Variants in DCC observed in about 807,000 individuals in gnomAD.
DCC encodes the protein netrin receptor DCC.
A neutral mutation model predicts 172.5 loss-of-function variants in DCC; 58 were observed. The ratio of observed to expected loss-of-function variants is 0.34; its 90% CI spans 0.27 to 0.42. The LOEUF (loss-of-function observed/expected upper bound fraction) is 0.42, where lower values mean the gene tolerates loss of function less well. DCC is among the 10% of genes least tolerant of loss of function. The pLI, the probability that DCC is intolerant of heterozygous loss-of-function variation, is 1.00. For synonymous variants in DCC, 709 were observed against 644.5 expected, an observed-to-expected ratio of 1.10 and a Z score of -1.52; for missense variants, 1,740 against 1,791.0, an observed-to-expected ratio of 0.97 and a Z score of 0.51.
chr18:52,536,405 CAA>C (rs1373911092), intron 1 of DCC, among the ~76,000 whole-genome samples: 1 of 151,780 alleles, frequency 6.6e-6, no homozygotes, highest in Non-Finnish European at 1.5e-5. Flanking sequence ...TAATTTCTTC[CAA>C]AAAAGGACTT....
At chr18:52,736,818 G>A (rs2036737536) in intron 1 of DCC, among the ~76,000 whole-genome samples, 1 of 152,046 alleles carries the variant, frequency 6.6e-6, no homozygotes, top group African/African-American at 2.4e-5. Flanking sequence ...CACAAGTGGG[G>A]CAGAACAAGA....
intron 1 of DCC, among the ~76,000 whole-genome samples, chr18:52,469,167 C>T (rs1466199634): frequency 2.0e-5 from 3 of 152,150 alleles, no homozygotes; most frequent in Non-Finnish European, 4.4e-5. Flanking sequence ...AAGCAGTTCT[C>T]CTGCCTCAGC....
intron 9 of DCC, among the ~76,000 whole-genome samples, chr18:53,194,449 T>C (rs896479560): frequency 6.6e-6 from 1 of 151,860 alleles, no homozygotes; most frequent in Admixed American, 6.6e-5. Context: ...TGGTGGTTTT[T>C]TGTTGTTGTT....
rs1209137253 is a variant in DCC at position 52,906,327 on chromosome 18, A to G, written c.696A>G (p.Ser232=). The G allele has an allele frequency of 6.2e-7, 1 of 1,613,848 alleles. No individual in the cohort carries two copies. Among genetic ancestry groups the G allele is most frequent in the Admixed American group, 1.7e-5 (1 of 60,020 alleles). Reference sequence around the variant, plus strand: ...ATGAAGCAGAAGTCAGAATTTTATCAGGTATTGCAATGCTCTTTGTTGCCT... The same window carrying G: ...ATGAAGCAGAAGTCAGAATTTTATCGGGTATTGCAATGCTCTTTGTTGCCT... ...TGNEAEVRIL[S]DPGLHRQLYF... is the part of the protein sequence containing the mutation. The change falls in exon 3 of 29, where the codon TCA becomes TCG. Residue 232 remains serine, a splice_region_variant and synonymous_variant. Transcript: ENST00000442544.
chr18:53,099,722 C>T (rs2043136423), intron 7 of DCC, among the ~76,000 whole-genome samples: 1 of 151,658 alleles, frequency 6.6e-6, no homozygotes, highest in African/African-American at 2.4e-5. Flanking sequence ...AGGTTTGAAC[C>T]CCAAAAAAGG....
At chr18:53,256,111 T>C (rs991881482) in intron 12 of DCC, among the ~76,000 whole-genome samples, 44 of 152,192 alleles carry the variant, frequency 2.9e-4, no homozygotes, top group Non-Finnish European at 3.1e-4. Flanking sequence ...TTCTGGATAT[T>C]AGCCCTTTGT....
intron 1 of DCC, among the ~76,000 whole-genome samples, chr18:52,667,355 T>C (rs372528199): frequency 1.3e-5 from 2 of 152,360 alleles, no homozygotes; most frequent in South Asian, 2.1e-4. Context: ...AGTATTATTA[T>C]TGATATATGT....
intron 1 of DCC, among the ~76,000 whole-genome samples, chr18:52,639,659 G>C (rs2034851011): frequency 6.6e-6 from 1 of 151,766 alleles, no homozygotes; most frequent in Non-Finnish European, 1.5e-5. Flanking sequence ...AGACTGAACA[G>C]ACCAATAACA....
rs143029842 is a variant in DCC, at chr18:53,339,595, A to G, written c.2165-118A>G. 27 of 812,834 alleles carry G rather than the reference A, an allele frequency of 3.3e-5. 1 individual carries two copies. The Middle Eastern group carries it at 1.5e-3, about 44-fold the overall frequency. 50.4% of individuals were successfully genotyped at this position (812,834 alleles called of 1,614,324 possible). A position where few individuals can be genotyped will look rare whatever the true frequency, so the allele number is the denominator to read the frequency against. On this transcript the variant is annotated intron_variant, in intron 14 of 28. Coordinates refer to ENST00000442544, the MANE Select transcript of DCC (RefSeq NM_005215.4). ...GCTAAAATAAAGAGTGACTTGGGCA[A>G]TAGGTGATGCATTATTTATGCATCT...
chr18:52,606,755 G>T (rs991595755), intron 1 of DCC, among the ~76,000 whole-genome samples: 1 of 152,096 alleles, frequency 6.6e-6, no homozygotes, highest in African/African-American at 2.4e-5. Context: ...ACTGGCTCAG[G>T]ACTTTGCAGA....
At chr18:52,633,417 C>T (rs557318588) in intron 1 of DCC, among the ~76,000 whole-genome samples, 3 of 152,240 alleles carry the variant, frequency 2.0e-5, no homozygotes, top group African/African-American at 7.2e-5. Flanking sequence ...GTTGGCAGAT[C>T]CTGGGCTGAA....
At chr18:52,932,766 C>T (rs1418923594) in intron 5 of DCC, among the ~76,000 whole-genome samples, 4 of 151,976 alleles carry the variant, frequency 2.6e-5, no homozygotes, top group African/African-American at 9.7e-5. Context: ...TATACATACA[C>T]ACGTATATTT....
intron 5 of DCC, among the ~76,000 whole-genome samples, chr18:52,964,371 G>T (rs1171336834): frequency 6.6e-6 from 1 of 152,072 alleles, no homozygotes; most frequent in Non-Finnish European, 1.5e-5. Context: ...TAAAAAACAT[G>T]AAATGATATA....
At chr18:52,846,671 G>T (rs984503753) in intron 2 of DCC, among the ~76,000 whole-genome samples, 1 of 148,172 alleles carries the variant, frequency 6.7e-6, no homozygotes, top group Non-Finnish European at 1.5e-5. Flanking sequence ...ACTTGTCTTG[G>T]TGTCTCTCGC....
chr18:53,085,398 A>G (rs2042863506), intron 7 of DCC, among the ~76,000 whole-genome samples: 1 of 152,138 alleles, frequency 6.6e-6, no homozygotes, highest in African/African-American at 2.4e-5. Context: ...CTTAGCACAG[A>G]GAAATGTCAG....
chr18:52,809,957 T>A (rs1298863385), intron 2 of DCC, among the ~76,000 whole-genome samples: 1 of 152,004 alleles, frequency 6.6e-6, no homozygotes, highest in Non-Finnish European at 1.5e-5. Context: ...GTTTTACAAG[T>A]CCCGTGTTTA....
intron 7 of DCC, among the ~76,000 whole-genome samples, chr18:53,091,798 AT>A (rs1420244945): frequency 1.3e-5 from 2 of 151,280 alleles, no homozygotes; most frequent in Non-Finnish European, 2.9e-5. Context: ...AGTCCATTGC[AT>A]ACACTGTACA....
intron 2 of DCC, among the ~76,000 whole-genome samples, chr18:52,890,138 T>C (rs1233814573): frequency 6.6e-6 from 1 of 152,170 alleles, no homozygotes; most frequent in African/African-American, 2.4e-5. Flanking sequence ...AGATTTGATT[T>C]GGTTTTAGGA....
intron 7 of DCC, among the ~76,000 whole-genome samples, chr18:53,143,661 A>G (rs910591044): frequency 6.6e-6 from 1 of 152,236 alleles, no homozygotes; most frequent in African/African-American, 2.4e-5. Context: ...TAGGTTTTGT[A>G]ACTCTATCTT....
Sources: allele counts gnomAD v4.1 joint callset (sites outside exome capture counted in the v4.1 genomes callset), GRCh38; gene constraint gnomAD v4.1.1; transcripts MANE v1.5; gene names NCBI Gene and HGNC (gene_info 2026-07-23, HGNC 2026-07-21).